The following MAF variants were observed in gnomAD, a reference collection of about 807,000 sequenced individuals.
MAF encodes MAF bZIP transcription factor, also known as transcription factor Maf.
In MAF, 10 loss-of-function variants were observed where a neutral mutation model predicts 22.0. The ratio of observed to expected loss-of-function variants is 0.45; its 90% CI spans 0.28 to 0.77. MAF has a LOEUF of 0.77. MAF is among the 30% of genes least tolerant of loss of function. The pLI, the probability that MAF is intolerant of heterozygous loss-of-function variation, is 0.12. For synonymous variants in MAF, 337 were observed against 255.8 expected (o/e 1.32, Z -3.03); for missense variants, 544 against 548.4 (o/e 0.99, Z 0.08).
chr16:79,480,952 T>A, the MAF span, among the ~76,000 whole-genome samples: 1 of 152,190 alleles, frequency 6.6e-6, no homozygotes, highest in African/African-American at 2.4e-5. Context: ...ATCTCTGCTC[T>A]GTGACACCAT....
At chr16:79,259,718 TG>T in the MAF span, among the ~76,000 whole-genome samples, 1 of 152,178 alleles carries the variant, frequency 6.6e-6, no homozygotes, top group South Asian at 2.1e-4. Flanking sequence ...GGGGCAGGAC[TG>T]CTGGTCATCC....
the MAF span, among the ~76,000 whole-genome samples, chr16:79,291,643 T>C: frequency 1.3e-5 from 2 of 151,604 alleles, no homozygotes; most frequent in East Asian, 1.9e-4. Flanking sequence ...ACAGTAAAAG[T>C]TGTCATACAA....
At chr16:79,221,770 TGC>T in the MAF span, among the ~76,000 whole-genome samples, 1 of 152,074 alleles carries the variant, frequency 6.6e-6, no homozygotes, top group Non-Finnish European at 1.5e-5. Context: ...TGTGTGTGTG[TGC>T]ATGTATGTGT....
At chr16:79,535,025 T>C in the MAF span, among the ~76,000 whole-genome samples, 1 of 152,194 alleles carries the variant, frequency 6.6e-6, no homozygotes, top group African/African-American at 2.4e-5. Context: ...ATCAAAATCC[T>C]GCTCAAAGAT....
At chr16:79,519,429 CG>C in the MAF span, among the ~76,000 whole-genome samples, 72 of 152,312 alleles carry the variant, frequency 4.7e-4, no homozygotes, top group African/African-American at 1.5e-3. Context: ...TAGAATGCTA[CG>C]GGGAGTCTCT....
At chr16:79,350,959 A>G in the MAF span, among the ~76,000 whole-genome samples, 6 of 151,476 alleles carry the variant, frequency 4.0e-5, no homozygotes, top group African/African-American at 1.5e-4. Flanking sequence ...AACCCAGATG[A>G]TCTGAGAAGG....
chr16:79,571,530 A>ATTTTT, the MAF span, among the ~76,000 whole-genome samples: 65 of 103,870 alleles, frequency 6.3e-4, no homozygotes, highest in African/African-American at 2.0e-3. Flanking sequence ...TCTCAGCGGA[A>ATTTTT]TTTTTTTTTT....
the MAF span, among the ~76,000 whole-genome samples, chr16:79,302,053 C>T: frequency 3.9e-5 from 6 of 152,298 alleles, no homozygotes; most frequent in East Asian, 7.7e-4. Context: ...TGGACTTCCG[C>T]GGAGGGCCTG....
chr16:79,350,262 T>C, the MAF span, among the ~76,000 whole-genome samples: 1 of 152,202 alleles, frequency 6.6e-6, no homozygotes, highest in African/African-American at 2.4e-5. Context: ...TAACCAGCAC[T>C]TCTAAAAGCC....
the MAF span, among the ~76,000 whole-genome samples, chr16:79,455,021 G>A: frequency 7.9e-5 from 12 of 151,710 alleles, no homozygotes; most frequent in African/African-American, 7.3e-5. Flanking sequence ...ACTTGGACCC[G>A]GGAGGTGGAG....
At chr16:79,277,427 T>C in the MAF span, among the ~76,000 whole-genome samples, 1 of 152,244 alleles carries the variant, frequency 6.6e-6, no homozygotes, top group Admixed American at 6.5e-5. Context: ...TCAACCCATA[T>C]GGAATTGCTG....
At chr16:79,299,476 T>C in the MAF span, among the ~76,000 whole-genome samples, 1 of 152,042 alleles carries the variant, frequency 6.6e-6, no homozygotes. Flanking sequence ...GGGCGCAAAC[T>C]GTGCAGACAA....
At chr16:79,212,186 C>T in the MAF span, 64 of 1,469,148 alleles carry the variant, frequency 4.4e-5, no homozygotes, top group Non-Finnish European at 5.5e-5. Flanking sequence ...CAGCCGGGGG[C>T]TGGCCTTCTC....
chr16:79,500,592 G>C, the MAF span, among the ~76,000 whole-genome samples: 1 of 152,294 alleles, frequency 6.6e-6, no homozygotes, highest in Middle Eastern at 3.4e-3. Context: ...GTCCCACCCA[G>C]AGGCTGGGTG....
the MAF span, among the ~76,000 whole-genome samples, chr16:79,491,391 T>C: frequency 1.3e-5 from 2 of 152,204 alleles, no homozygotes; most frequent in Non-Finnish European, 2.9e-5. Context: ...TCTTCTCCTG[T>C]GGCATCTGAT....
the MAF span, among the ~76,000 whole-genome samples, chr16:79,424,314 C>T: frequency 0.036 from 5,446 of 152,192 alleles, 204 homozygotes; most frequent in African/African-American, 0.094. Context: ...TGGTAGAGTC[C>T]ACAGACTGGA....
chr16:79,272,396 G>A, the MAF span, among the ~76,000 whole-genome samples: 16 of 152,318 alleles, frequency 1.1e-4, no homozygotes, highest in Non-Finnish European at 1.3e-4. Flanking sequence ...GGGGCGGGTC[G>A]CCTGCTCCTG....
chr16:79,512,238 G>A, the MAF span, among the ~76,000 whole-genome samples: 1 of 152,148 alleles, frequency 6.6e-6, no homozygotes, highest in Non-Finnish European at 1.5e-5. Context: ...TTCAGTACAG[G>A]TGGGCCTCCC....
At chr16:79,430,646 G>C in the MAF span, among the ~76,000 whole-genome samples, 1 of 152,218 alleles carries the variant, frequency 6.6e-6, no homozygotes, top group African/African-American at 2.4e-5. Flanking sequence ...TGTTGGTGGA[G>C]AGGAAGCCTG....
Sources: gnomAD v4.1 joint callset for allele counts (sites outside exome capture counted in the v4.1 genomes callset) on GRCh38, gnomAD v4.1.1 for gene constraint, MANE v1.5 for transcripts, NCBI Gene and HGNC (gene_info 2026-07-23, HGNC 2026-07-21) for gene names.